Variants in TLE3 observed in about 807,000 individuals in gnomAD.
TLE3 encodes transducin-like enhancer protein 3.
Under a neutral mutation model 93.0 loss-of-function variants are expected in TLE3, and 14 were observed. The ratio of observed to expected loss-of-function variants is 0.15; its 90% CI spans 0.10 to 0.24. TLE3 has a LOEUF of 0.24. Among genes scored for constraint, TLE3 ranks in the 10% least tolerant of loss-of-function variants. TLE3 has a pLI of 1.00. For missense variants in TLE3, 693 were observed against 1,046.6 expected (o/e 0.66, Z 4.66); for synonymous variants, 451 against 425.0 (o/e 1.06, Z -0.75).
Position 70,054,620 on chromosome 15 carries a change from G to T in TLE3, c.1644C>A (p.Gly548=), listed in dbSNP as rs367926967. 6 of 1,611,876 alleles carry T rather than the reference G, an allele frequency of 3.7e-6. No homozygotes were observed. Among genetic ancestry groups the T allele is most frequent in the Non-Finnish European group, 5.1e-6 (6 of 1,178,894 alleles). The stretch of plus-strand genomic sequence containing the variant: ...CCCAGATGGTGAGCGTGCTGGCCTC[G>T]CCGCCCACGATGAGCGTGCGCCCAT... ...LPDGRTLIVG[G]EASTLTIWDL... Residue 548 remains glycine (G), a synonymous_variant, in exon 16 of 20, where the codon GGC becomes GGA. Transcript: ENST00000451782.
intron 4 of TLE3, among the ~76,000 whole-genome samples, chr15:70,082,502 G>A (rs2057828656): frequency 6.6e-6 from 1 of 152,206 alleles, no homozygotes; most frequent in African/African-American, 2.4e-5. Flanking sequence ...GGAGGGGCTG[G>A]TGAAGGTTCA....
At chr15:70,095,287 C>T (rs1218098428) in intron 3 of TLE3, 3 of 1,323,716 alleles carry the variant, frequency 2.3e-6, no homozygotes, top group Admixed American at 3.6e-5. Flanking sequence ...TGGCAATCAG[C>T]CCCTGGGAAA....
At chr15:70,064,733 G>A (rs2056707783) in intron 7 of TLE3, among the ~76,000 whole-genome samples, 1 of 152,036 alleles carries the variant, frequency 6.6e-6, no homozygotes, top group South Asian at 2.1e-4. Context: ...GTGGGCAAGG[G>A]AGGCCCAGTC....
chr15:70,060,839 A>G, intron 8 of TLE3, 190 bp from the exon 9 acceptor site: 1 of 875,416 alleles, frequency 1.1e-6, no homozygotes, highest in Admixed American at 2.1e-5. Flanking sequence ...CCTGAGACTG[A>G]GTCCCCGGGG....
intron 6 of TLE3, among the ~76,000 whole-genome samples, chr15:70,073,625 C>G (rs189796300): frequency 6.6e-6 from 1 of 152,326 alleles, no homozygotes; most frequent in South Asian, 2.1e-4. Context: ...GTATCTGTAC[C>G]GTCCAGAAGC....
intron 19 of TLE3, 118 bp downstream of exon 19, chr15:70,051,273 G>T (rs1275851584): frequency 4.8e-6 from 5 of 1,046,908 alleles, no homozygotes; most frequent in Non-Finnish European, 6.9e-6. Context: ...ACCAGGGCAG[G>T]TCTGATCCTG....
rs1335429375 is a variant in TLE3, at chr15:70,066,033, G to A, written c.558C>T (p.His186=). Residue 186 remains histidine (H), a synonymous_variant, in exon 7 of 20, where the codon CAC becomes CAT. Coordinates refer to ENST00000451782, the MANE Select transcript of TLE3 (RefSeq NM_001105192.3). ...AHLTVKDEKN[H]HELDHRERES... ...CCGCACCTCTGTGATCGAGTTCATG[G>A]TGGTTCTTCTCATCCTTCACCGTCA... The A allele has an allele frequency of 2.5e-6, 4 of 1,612,348 alleles. No homozygotes were observed. The highest frequency in any genetic ancestry group is 1.1e-5 in the South Asian group (1 of 90,956).
At chr15:70,072,603 G>A (rs987456732) in intron 6 of TLE3, among the ~76,000 whole-genome samples, 4 of 152,190 alleles carry the variant, frequency 2.6e-5, no homozygotes, top group African/African-American at 7.2e-5. Context: ...CCTGGGCTGC[G>A]AGTCAGCCAC....
chr15:70,054,104 G>C (rs2055807215), intron 16 of TLE3: 1 of 227,326 alleles, frequency 4.4e-6, no homozygotes, highest in African/African-American at 2.3e-5. Flanking sequence ...CACGTGATGT[G>C]GCTTCCCAGT....
At chr15:70,056,811 G>T (rs1441905899) in intron 13 of TLE3, among the ~76,000 whole-genome samples, 2 of 152,128 alleles carry the variant, frequency 1.3e-5, no homozygotes, top group African/African-American at 4.8e-5. Flanking sequence ...GCCCAAGCTG[G>T]AGCGCGGTGG....
intron 6 of TLE3, among the ~76,000 whole-genome samples, chr15:70,073,965 T>A (rs559971057): frequency 1.2e-4 from 19 of 152,310 alleles, no homozygotes; most frequent in South Asian, 2.1e-4. Context: ...TTCTAGAAAG[T>A]CAGGAAAACC....
intron 4 of TLE3, among the ~76,000 whole-genome samples, chr15:70,078,361 A>G (rs1222630722): frequency 2.0e-5 from 3 of 152,362 alleles, no homozygotes; most frequent in East Asian, 3.9e-4. Context: ...CATGCACCAA[A>G]TAAGAATAGA....
chr15:70,060,960 G>A (rs1178269555), intron 8 of TLE3, among the ~76,000 whole-genome samples: 1 of 152,230 alleles, frequency 6.6e-6, no homozygotes, highest in African/African-American at 2.4e-5. Context: ...CGCTCTGTGA[G>A]GGCGAGGGTC....
chr15:70,088,331 C>T (rs1327520158), intron 4 of TLE3, among the ~76,000 whole-genome samples: 1 of 152,222 alleles, frequency 6.6e-6, no homozygotes, highest in East Asian at 1.9e-4. Context: ...AAATATTCCC[C>T]GCTTACATGG....
In TLE3 at chr15:70,058,548, G is replaced by T; in HGVS notation, c.918+115C>A. 7.0e-7 allele frequency: 1 copy of T among 1,423,076 alleles called. No homozygotes were observed. 88.2% of individuals were successfully genotyped at this position (1,423,076 alleles called of 1,614,324 possible). On this transcript the variant is annotated intron_variant, in intron 11 of 19. Coordinates refer to ENST00000451782, the MANE Select transcript of TLE3 (RefSeq NM_001105192.3). This position sits in a 1 kb window ranked among gnomAD's most constrained non-coding sequence, Gnocchi z 4.1. Reference sequence around the variant, plus strand: ...CCAGCAGGCACAGAAGGTAAACCGGGGCCAATCACCCACCCAGCTTCTCCC... The same window carrying T: ...CCAGCAGGCACAGAAGGTAAACCGGTGCCAATCACCCACCCAGCTTCTCCC...
chr15:70,077,811 C>T (rs996391374), intron 4 of TLE3, among the ~76,000 whole-genome samples: 2 of 152,220 alleles, frequency 1.3e-5, no homozygotes, highest in South Asian at 4.1e-4. Flanking sequence ...CCACTGTTGG[C>T]ATTTGGGGAG....
chr15:70,051,535 G>A (rs1446152193), intron 18 of TLE3, 68 bp from the exon 19 acceptor site: 1 of 1,382,700 alleles, frequency 7.2e-7, no homozygotes, highest in Non-Finnish European at 1.0e-6. Context: ...ACCTGCCCTA[G>A]ACATGGCCAG....
At chr15:70,071,199 A>G (rs2057135868) in intron 6 of TLE3, among the ~76,000 whole-genome samples, 1 of 152,204 alleles carries the variant, frequency 6.6e-6, no homozygotes, top group African/African-American at 2.4e-5. Context: ...CCTCGTGCTC[A>G]GGAATCTTGT....
chr15:70,067,995 T>TCA, intron 6 of TLE3, among the ~76,000 whole-genome samples: 1 of 152,206 alleles, frequency 6.6e-6, no homozygotes. Context: ...GGAGCCAGCA[T>TCA]CACAGAGTCC....
Sources: allele counts gnomAD v4.1 joint callset (sites outside exome capture counted in the v4.1 genomes callset), GRCh38; gene constraint gnomAD v4.1.1; non-coding constraint Gnocchi (gnomAD v3.1); transcripts MANE v1.5; gene names NCBI Gene and HGNC (gene_info 2026-07-23, HGNC 2026-07-21).